PRKACA: variants seen among roughly 807,000 people sequenced by gnomAD.
The protein encoded by PRKACA is protein kinase cAMP-activated catalytic subunit alpha.
PRKACA carries 9 observed loss-of-function variants against 45.8 expected under a neutral mutation model. The observed-to-expected ratio is 0.20, with a 90% CI of 0.12 to 0.34. The LOEUF (loss-of-function observed/expected upper bound fraction) is 0.34. Among genes scored for constraint, PRKACA ranks in the 10% least tolerant of loss-of-function variants. PRKACA has a pLI of 1.00. For missense variants in PRKACA, 238 were observed against 458.6 expected (o/e 0.52, Z 4.39); for synonymous variants, 160 against 178.6 (o/e 0.90, Z 0.83).
At chr19:14,101,531 C>G (rs1473479231) in intron 4 of PRKACA, among the ~76,000 whole-genome samples, 1 of 152,176 alleles carries the variant, frequency 6.6e-6, no homozygotes, top group Non-Finnish European at 1.5e-5. Context: ...CCACTGCACT[C>G]CAGCCTGGGC....
intron 4 of PRKACA, chr19:14,101,139 G>C: frequency 5.7e-6 from 3 of 525,012 alleles, no homozygotes; most frequent in South Asian, 4.0e-5. Context: ...GCTGGAGAGA[G>C]AACTCTGTAG....
chr19:14,097,394 G>A lies in PRKACA; in HGVS notation c.732C>T (p.Pro244=), dbSNP rs776566422. 3.1e-6 allele frequency: 5 copies of A among 1,613,984 alleles called. No homozygotes were observed. In the Admixed American group the frequency reaches 8.3e-5, roughly 27 times the overall value. The change falls in exon 8 of 10, where the codon CCC becomes CCT. Residue 244 remains proline, a synonymous_variant. Coordinates refer to ENST00000308677, the MANE Select transcript of PRKACA (RefSeq NM_002730.4). This position sits in a 1 kb window ranked among gnomAD's most constrained non-coding sequence, Gnocchi z 5.4. ...AGYPPFFADQ[P]IQIYEKIVSG... is the part of the protein sequence containing the mutation. ...AGACGATCTTCTCATAGATCTGGAT[G>A]GGCTGGTCTGCGAAGAAGGGCGGGT...
intron 1 of PRKACA, among the ~76,000 whole-genome samples, chr19:14,110,996 A>G (rs1599349516): frequency 6.6e-6 from 1 of 152,218 alleles, no homozygotes; most frequent in African/African-American, 2.4e-5. Flanking sequence ...ATTGCTGGTT[A>G]TCTGCCTGCC....
intron 1 of PRKACA, among the ~76,000 whole-genome samples, chr19:14,110,513 A>T (rs1966936558): frequency 6.6e-6 from 1 of 151,952 alleles, no homozygotes; most frequent in Non-Finnish European, 1.5e-5. Context: ...TAGAGCCTGC[A>T]GTGAGCCGTG....
chr19:14,102,753 C>T (rs975804442), intron 4 of PRKACA, 63 bp downstream of exon 4: 3 of 1,418,950 alleles, frequency 2.1e-6, no homozygotes, highest in Non-Finnish European at 3.0e-6. Flanking sequence ...GACCCCAGCC[C>T]TGGGGGCCAG....
chr19:14,096,607 G>GT (rs1489096129), intron 8 of PRKACA: 2 of 155,018 alleles, frequency 1.3e-5, no homozygotes, highest in African/African-American at 2.4e-5. Flanking sequence ...GGACCAAGTC[G>GT]GGGGATGGTC....
At chr19:14,112,432 G>A (rs1351380568) in intron 1 of PRKACA, 3 of 150,818 alleles carry the variant, frequency 2.0e-5, no homozygotes, top group African/African-American at 7.5e-5. Flanking sequence ...GCTGGAAGGT[G>A]GTCTCCAAGT....
At chr19:14,103,978 G>A (rs1319071009) in intron 3 of PRKACA, among the ~76,000 whole-genome samples, 1 of 152,050 alleles carries the variant, frequency 6.6e-6, no homozygotes, top group Non-Finnish European at 1.5e-5. Context: ...AGAGGCTGAG[G>A]TGGGAGGATC....
intron 3 of PRKACA, among the ~76,000 whole-genome samples, chr19:14,106,429 G>GT (rs1460667277): frequency 2.6e-5 from 4 of 152,174 alleles, no homozygotes; most frequent in African/African-American, 9.6e-5. Flanking sequence ...TGAGGCAGGT[G>GT]TATCACCTGA....
At position 14,092,864 on chromosome 19, in the gene PRKACA, G is replaced by A; in HGVS notation, c.*248C>T. ...GAGGGCTGAGGGGCTGGGGGGCTGT[G>A]GGGAAAGAGGAAGGGAAAAGTGGGA... On this transcript the variant is annotated 3_prime_UTR_variant, in exon 10 of 10. Coordinates refer to ENST00000308677, the MANE Select transcript of PRKACA (RefSeq NM_002730.4). The A allele has an allele frequency of 1.9e-6, 1 of 520,374 alleles. No individual in the cohort carries two copies. The highest frequency in any genetic ancestry group is 2.9e-5 in the East Asian group (1 of 34,718). 32.2% of individuals were successfully genotyped at this position (520,374 alleles called of 1,614,324 possible). A position where few individuals can be genotyped will look rare whatever the true frequency, so the allele number is the denominator to read the frequency against.
intron 1 of PRKACA, 36 bp from the exon 2 acceptor site, chr19:14,107,445 C>A (rs1977646731): frequency 1.2e-6 from 2 of 1,601,258 alleles, no homozygotes; most frequent in African/African-American, 2.7e-5. Flanking sequence ...TACAGAGACG[C>A]CCGTCTCACC....
intron 8 of PRKACA, among the ~76,000 whole-genome samples, chr19:14,096,034 T>TTG (rs1487973692): frequency 5.1e-4 from 69 of 134,582 alleles, no homozygotes; most frequent in African/African-American, 2.1e-3. Flanking sequence ...AATTTTTAGT[T>TTG]TTTTTTTTTT....
chr19:14,103,458 C>T (rs1356435996), intron 3 of PRKACA, among the ~76,000 whole-genome samples: 1 of 152,196 alleles, frequency 6.6e-6, no homozygotes, highest in Non-Finnish European at 1.5e-5. Context: ...CACCCAGTCT[C>T]TCACTGAATC....
chr19:14,109,999 T>TATACACACAC (rs1555774928), intron 1 of PRKACA, among the ~76,000 whole-genome samples: 1 of 55,476 alleles, frequency 1.8e-5, no homozygotes, highest in African/African-American at 1.0e-4. Context: ...TATATATATA[T>TATACACACAC]ACACACACAC....
intron 8 of PRKACA, 82 bp from the exon 9 acceptor site, chr19:14,093,874 G>A: frequency 7.1e-7 from 1 of 1,404,564 alleles, no homozygotes; most frequent in South Asian, 1.4e-5. Flanking sequence ...CCATCCAACG[G>A]TCCTACTGGG....
chr19:14,108,132 G>A (rs1351853025), intron 1 of PRKACA: 3 of 985,324 alleles, frequency 3.0e-6, no homozygotes, highest in South Asian at 4.7e-5. Context: ...AGTCATTCTC[G>A]TCTCTGCTGA....
chr19:14,093,607 G>C, intron 9 of PRKACA, 21 bp downstream of exon 9: 1 of 1,607,912 alleles, frequency 6.2e-7, no homozygotes, highest in Non-Finnish European at 8.5e-7. Flanking sequence ...CCCTCAGCAG[G>C]CTTAAGGAGG....
At chr19:14,103,803 C>A (rs947260086) in intron 3 of PRKACA, among the ~76,000 whole-genome samples, 1 of 152,220 alleles carries the variant, frequency 6.6e-6, no homozygotes, top group African/African-American at 2.4e-5. Flanking sequence ...TGGTGGCTCA[C>A]GCCCGTAATC....
At chr19:14,114,047 G>A in intron 1 of PRKACA, 1 of 1,444,686 alleles carries the variant, frequency 6.9e-7, no homozygotes, top group Non-Finnish European at 9.6e-7. Flanking sequence ...CTCTTCGCCT[G>A]TGCCCCAGAC....
Sources: allele counts gnomAD v4.1 joint callset (sites outside exome capture counted in the v4.1 genomes callset), GRCh38; gene constraint gnomAD v4.1.1; non-coding constraint Gnocchi (gnomAD v3.1); transcripts MANE v1.5; gene names NCBI Gene and HGNC (gene_info 2026-07-23, HGNC 2026-07-21).